LSM2: variants seen among roughly 807,000 people sequenced by gnomAD.
The protein encoded by LSM2 is U6 snRNA-associated Sm-like protein LSm2.
LSM2 carries 12 observed loss-of-function variants against 17.0 expected under a neutral mutation model. That is an observed-to-expected ratio of 0.70 (90% CI 0.45 to 1.14). The LOEUF (loss-of-function observed/expected upper bound fraction) is 1.14. Ranked by LOEUF, LSM2 falls within the 50% of genes most tolerant of loss-of-function variation. LSM2 has a pLI of 0.00. For missense variants in LSM2, 62 were observed against 111.8 expected (o/e 0.55, Z 2.01); for synonymous variants, 42 against 44.5 (o/e 0.94, Z 0.22).
At position 31,797,834 on chromosome 6, in the gene LSM2, G is replaced by C; in HGVS notation, c.211C>G (p.Gln71Glu). 1.2e-6 allele frequency: 2 copies of C among 1,613,004 alleles called. No individual in the cohort carries two copies. The highest frequency in any genetic ancestry group is 1.7e-6 in the Non-Finnish European group (2 of 1,180,034). ...FIRGSVVRYV[Q>E]LPADEVDTQL... Reference sequence around the variant, plus strand: ...GTGTCGACCTCATCTGCTGGCAGCTGCACGTATCGGACCACTGAGCCCCGA... The same window carrying C: ...GTGTCGACCTCATCTGCTGGCAGCTCCACGTATCGGACCACTGAGCCCCGA... The change falls in exon 5 of 5, where the codon CAG (glutamine) becomes GAG (glutamate). Residue 71 changes from glutamine (Q) to glutamate (E), a missense_variant. By Grantham distance (29) the Gln-to-Glu change is conservative. Coordinates refer to ENST00000375661, the MANE Select transcript of LSM2 (RefSeq NM_021177.5).
chr6:31,797,463 C>T lies in LSM2; in HGVS notation c.*294G>A, dbSNP rs1814438720. ...CCATCCCCAAATGAATCACATGCTG[C>T]CCTGGAAAGACCTAGGAAACTCTCC... On this transcript the variant is annotated 3_prime_UTR_variant, in exon 5 of 5. Coordinates refer to ENST00000375661, the MANE Select transcript of LSM2 (RefSeq NM_021177.5). 3 of 390,086 alleles carry T rather than the reference C, an allele frequency of 7.7e-6. No homozygotes were observed. Among genetic ancestry groups the T allele is most frequent in the Non-Finnish European group, 1.4e-5 (3 of 214,856 alleles). 24.2% of individuals were successfully genotyped at this position (390,086 alleles called of 1,614,324 possible).
At chr6:31,803,788 C>T (rs999779164) in intron 2 of LSM2, among the ~76,000 whole-genome samples, 6 of 151,886 alleles carry the variant, frequency 4.0e-5, no homozygotes, top group Non-Finnish European at 7.4e-5. Flanking sequence ...ACCATGTTGG[C>T]CAAGCTAGTC....
chr6:31,800,287 G>C (rs1814619486), intron 2 of LSM2, among the ~76,000 whole-genome samples: 1 of 152,122 alleles, frequency 6.6e-6, no homozygotes, highest in Non-Finnish European at 1.5e-5. Flanking sequence ...AGTGAGGCGA[G>C]ATCGAGCCAC....
At position 31,797,635 on chromosome 6, in the gene LSM2, C is replaced by A; in HGVS notation, c.*122G>T. The A allele has an allele frequency of 6.8e-7, 1 of 1,464,800 alleles. No individual in the cohort carries two copies. Among genetic ancestry groups the A allele is most frequent in the South Asian group, 1.3e-5 (1 of 78,436 alleles). The allele number at this position is 1,464,800 out of a possible 1,614,324, so 90.7% of individuals were successfully genotyped here. On this transcript the variant is annotated 3_prime_UTR_variant, in exon 5 of 5. Coordinates refer to ENST00000375661, the MANE Select transcript of LSM2 (RefSeq NM_021177.5). Reference sequence around the variant, plus strand: ...ATCCACTCATCCCTTAAAAAAAACCCACAAAACCATCATTAGTAAAAAAAC... The same window carrying A: ...ATCCACTCATCCCTTAAAAAAAACCAACAAAACCATCATTAGTAAAAAAAC...
rs1703297784 is a variant in LSM2, at chr6:31,797,822, C to A, written c.223G>T (p.Asp75Tyr). Residue 75 changes from aspartate to tyrosine, a missense_variant, in exon 5 of 5, where the codon GAT (aspartate) becomes TAT (tyrosine). Coordinates refer to ENST00000375661, the MANE Select transcript of LSM2 (RefSeq NM_021177.5). Reference protein sequence around the residue: ...SVVRYVQLPADEVDTQLLQDA... With the variant: ...SVVRYVQLPAYEVDTQLLQDA... ...TGTAGCAACTGTGTGTCGACCTCATCTGCTGGCAGCTGCACGTATCGGACC... is the reference window on the plus strand; with the variant it reads ...TGTAGCAACTGTGTGTCGACCTCATATGCTGGCAGCTGCACGTATCGGACC... 6.2e-7 allele frequency: 1 copy of A among 1,612,940 alleles called. No individual in the cohort carries two copies. The highest frequency in any genetic ancestry group is 8.5e-7 in the Non-Finnish European group (1 of 1,180,052).
At chr6:31,804,176 G>A (rs1814870963) in intron 2 of LSM2, among the ~76,000 whole-genome samples, 1 of 152,000 alleles carries the variant, frequency 6.6e-6, no homozygotes, top group South Asian at 2.1e-4. Context: ...GCCTGGCCTA[G>A]ATGGTGAAAC....
intron 3 of LSM2, among the ~76,000 whole-genome samples, 159 bp downstream of exon 3, chr6:31,798,318 G>C (rs935077110): frequency 4.6e-5 from 7 of 151,908 alleles, no homozygotes; most frequent in African/African-American, 1.7e-4. Context: ...CCTGACCTCA[G>C]GCCTCGGCCT....
Position 31,797,679 on chromosome 6 carries a change from G to A in LSM2, c.*78C>T, listed in dbSNP as rs767859557. On this transcript the variant is annotated 3_prime_UTR_variant, in exon 5 of 5. Coordinates refer to ENST00000375661, the MANE Select transcript of LSM2 (RefSeq NM_021177.5). ...AAAAAACAAAACCCCTTCAAGTATT[G>A]GGGGTTAGGGGTTCTGGGCTGGGAC... is the stretch of plus-strand genomic sequence containing the variant. 5 of 1,592,902 alleles carry A rather than the reference G, an allele frequency of 3.1e-6. No individual in the cohort carries two copies. The South Asian group carries it at 3.3e-5, about 11-fold the overall frequency.
chr6:31,801,772 G>A (rs1814721805), intron 2 of LSM2, among the ~76,000 whole-genome samples: 1 of 152,136 alleles, frequency 6.6e-6, no homozygotes, highest in South Asian at 2.1e-4. Flanking sequence ...CTCCAGCCAG[G>A]GCAACAGAGT....
At chr6:31,801,889 A>C (rs1814730634) in intron 2 of LSM2, among the ~76,000 whole-genome samples, 1 of 152,130 alleles carries the variant, frequency 6.6e-6, no homozygotes. Context: ...TAGTCACTGC[A>C]CTTTGAGAGG....
intron 2 of LSM2, among the ~76,000 whole-genome samples, chr6:31,804,131 G>A (rs1581682149): frequency 6.6e-6 from 1 of 152,134 alleles, no homozygotes; most frequent in Non-Finnish European, 1.5e-5. Flanking sequence ...GAGAGGCTGA[G>A]GCAGGTGGAT....
Position 31,806,901 on chromosome 6 carries a change from G to T in LSM2, c.-144C>A. On this transcript the variant is annotated 5_prime_UTR_variant, in exon 1 of 5. Transcript: ENST00000375661. ...CGGGAAGCGACGCAGAAAGCTCCAAGCGCTGACGGGCAAAGCGCGGCCGAC... is the reference window on the plus strand; with the variant it reads ...CGGGAAGCGACGCAGAAAGCTCCAATCGCTGACGGGCAAAGCGCGGCCGAC... The T allele has an allele frequency of 1.8e-6, 2 of 1,125,836 alleles. No individual in the cohort carries two copies. Among genetic ancestry groups the T allele is most frequent in the South Asian group, 1.6e-5 (1 of 61,100 alleles). The allele number at this position is 1,125,836 out of a possible 1,614,324, so 69.7% of individuals were successfully genotyped here.
intron 1 of LSM2, 122 bp downstream of exon 1, chr6:31,806,633 G>C: frequency 1.6e-6 from 2 of 1,256,454 alleles, no homozygotes; most frequent in Non-Finnish European, 1.1e-6. Context: ...AAACAGTACA[G>C]TACTAAAGAT....
chr6:31,800,057 C>T (rs1814606467), intron 2 of LSM2, among the ~76,000 whole-genome samples: 1 of 152,036 alleles, frequency 6.6e-6, no homozygotes, highest in South Asian at 2.1e-4. Context: ...ATAACTGTGG[C>T]CGGGCACGGT....
At chr6:31,798,739 T>C (rs1814534646) in intron 2 of LSM2, among the ~76,000 whole-genome samples, 1 of 141,170 alleles carries the variant, frequency 7.1e-6, no homozygotes, top group Non-Finnish European at 1.6e-5. Context: ...CATTCTTTTT[T>C]TTTTTTTTTT....
intron 2 of LSM2, among the ~76,000 whole-genome samples, chr6:31,802,559 C>T (rs1249141305): frequency 4.0e-5 from 6 of 149,652 alleles, no homozygotes; most frequent in Admixed American, 1.3e-4. Context: ...TCCAGCCTGG[C>T]GTAGACTCGA....
At chr6:31,806,586 T>C (rs1227591437) in intron 1 of LSM2, 169 bp downstream of exon 1, 3 of 904,820 alleles carry the variant, frequency 3.3e-6, no homozygotes, top group Non-Finnish European at 5.3e-6. Context: ...GGAAAAAATA[T>C]CCCATTTGTT....
chr6:31,801,799 G>GA lies in LSM2; in HGVS notation c.72-3293dup, dbSNP rs200204100. 6.0e-4 allele frequency among the ~76,000 whole-genome samples: 91 copies of GA among 150,662 alleles called. 2 individuals are homozygous for GA. The East Asian group carries it at 0.017, about 28-fold the overall frequency. On this transcript the variant is annotated intron_variant, in intron 2 of 4. Coordinates refer to ENST00000375661, the MANE Select transcript of LSM2 (RefSeq NM_021177.5). The stretch of plus-strand genomic sequence containing the variant: ...CAACAGAGTGAGACCCTGTCTCAAG[G>GA]AAAAAAAAGGAGAAAGATCTTCTTT...
At chr6:31,802,353 T>C (rs1202507443) in intron 2 of LSM2, among the ~76,000 whole-genome samples, 1 of 151,944 alleles carries the variant, frequency 6.6e-6, no homozygotes, top group South Asian at 2.1e-4. Context: ...TCACAGTACT[T>C]TGGGAGGCCG....
Sources: gnomAD v4.1 joint callset for allele counts (sites outside exome capture counted in the v4.1 genomes callset) on GRCh38, gnomAD v4.1.1 for gene constraint, MANE v1.5 for transcripts, NCBI Gene and HGNC (gene_info 2026-07-23, HGNC 2026-07-21) for gene names.